KLF13: variants seen among roughly 807,000 people sequenced by gnomAD.
KLF13 encodes KLF transcription factor 13.
A neutral mutation model predicts 16.7 loss-of-function variants in KLF13; 8 were observed. The ratio of observed to expected loss-of-function variants is 0.48; its 90% CI spans 0.28 to 0.87. KLF13 has a LOEUF of 0.87. Among genes scored for constraint, KLF13 ranks in the 40% least tolerant of loss-of-function variants. KLF13 has a pLI of 0.10. For missense variants in KLF13, 447 were observed against 452.2 expected (o/e 0.99, Z 0.10); for synonymous variants, 245 against 208.4 (o/e 1.18, Z -1.51).
intron 1 of KLF13, among the ~76,000 whole-genome samples, chr15:31,340,537 C>T (rs867811639): frequency 1.3e-5 from 2 of 152,208 alleles, no homozygotes; most frequent in South Asian, 2.1e-4. Context: ...TAACATCACC[C>T]CCTTCAAAGA....
Position 31,327,882 on chromosome 15 carries a change from T to A in KLF13, c.577+93T>A, listed in dbSNP as rs2038746863. 4 of 1,169,142 alleles carry A rather than the reference T, an allele frequency of 3.4e-6. No homozygotes were observed. The East Asian group carries it at 1.6e-4, about 46-fold the overall frequency. The allele number at this position is 1,169,142 out of a possible 1,614,324, so 72.4% of individuals were successfully genotyped here. ...CCGGAGTCCCCGATGGGGCGCGAGG[T>A]GGGGGCCGGGCGGGCCGGAACGCCC... On this transcript the variant is annotated intron_variant, in intron 1 of 1. Coordinates refer to ENST00000307145, the MANE Select transcript of KLF13 (RefSeq NM_015995.4).
chr15:31,402,234 G>C (rs1162091711), intron 2 of KLF13, among the ~76,000 whole-genome samples: 1 of 152,196 alleles, frequency 6.6e-6, no homozygotes, highest in South Asian at 2.1e-4. Context: ...CTACATGGAT[G>C]GAGAGCCCTC....
At chr15:31,364,917 A>G (rs1240989069) in intron 1 of KLF13, among the ~76,000 whole-genome samples, 2 of 152,110 alleles carry the variant, frequency 1.3e-5, no homozygotes, top group African/African-American at 2.4e-5. Context: ...TCCACCCCCC[A>G]CCACAGAGGC....
At chr15:31,415,147 C>T (rs1056276714) in intron 1 of KLF13, among the ~76,000 whole-genome samples, 14 of 152,224 alleles carry the variant, frequency 9.2e-5, no homozygotes, top group African/African-American at 2.2e-4. Context: ...TGCCTTCTGC[C>T]GTGAGTCCAT....
intron 1 of KLF13, among the ~76,000 whole-genome samples, chr15:31,340,606 A>G (rs1410330844): frequency 2.0e-5 from 3 of 152,186 alleles, no homozygotes; most frequent in Non-Finnish European, 4.4e-5. Flanking sequence ...TTTAAGAAAA[A>G]ACTCGTGCTG....
Position 31,327,368 on chromosome 15 carries a change from C to T in KLF13, c.156C>T (p.Arg52=), listed in dbSNP as rs751046053. The stretch of plus-strand genomic sequence containing the variant: ...CCACGCTGCCCCGCGTCGAGGAGCG[C>T]CGCGACGGTAAGGACAGCGCCTCGC... ...ATPTLPRVEE[R]RDGKDSASLF... The change falls in exon 1 of 2, where the codon CGC becomes CGT. Residue 52 remains arginine (R), a synonymous_variant. Transcript: ENST00000307145. 1.6e-6 allele frequency: 2 copies of T among 1,289,398 alleles called. No homozygotes were observed. Among genetic ancestry groups the T allele is most frequent in the Non-Finnish European group, 9.8e-7 (1 of 1,019,428 alleles). 79.9% of individuals were successfully genotyped at this position (1,289,398 alleles called of 1,614,324 possible). A position where few individuals can be genotyped will look rare whatever the true frequency, so the allele number is the denominator to read the frequency against.
chr15:31,387,036 G>T (rs1227828511), intron 1 of KLF13, among the ~76,000 whole-genome samples: 1 of 152,224 alleles, frequency 6.6e-6, no homozygotes, highest in African/African-American at 2.4e-5. Context: ...GGTTTCTTGA[G>T]ATGGAATCTA....
intron 1 of KLF13, among the ~76,000 whole-genome samples, chr15:31,428,701 G>A (rs1340447874): frequency 3.3e-5 from 5 of 150,954 alleles, no homozygotes; most frequent in Middle Eastern, 3.4e-3. Context: ...CCAGCTACTC[G>A]GGAGGCTGAG....
At chr15:31,402,786 TG>T (rs1176597661) in intron 2 of KLF13, among the ~76,000 whole-genome samples, 1 of 151,920 alleles carries the variant, frequency 6.6e-6, no homozygotes, top group East Asian at 1.9e-4. Context: ...CTCTTTCCCC[TG>T]GGATGTGTAG....
chr15:31,333,113 C>G (rs542541780), intron 1 of KLF13, among the ~76,000 whole-genome samples: 2 of 151,872 alleles, frequency 1.3e-5, no homozygotes, highest in South Asian at 2.1e-4. Context: ...ACTGTTTGCT[C>G]TAGGGGCCAG....
chr15:31,424,641 T>A (rs531192446), intron 1 of KLF13, among the ~76,000 whole-genome samples: 20 of 152,218 alleles, frequency 1.3e-4, no homozygotes, highest in Non-Finnish European at 2.4e-4. Flanking sequence ...TATTAAAGTG[T>A]ATACAAAAAG....
intron 1 of KLF13, among the ~76,000 whole-genome samples, chr15:31,344,670 A>G (rs1367679073): frequency 6.6e-6 from 1 of 152,244 alleles, no homozygotes; most frequent in Non-Finnish European, 1.5e-5. Context: ...AATTTGCTGT[A>G]AGAATGTGGA....
At chr15:31,370,198 C>G (rs1256236821) in intron 1 of KLF13, among the ~76,000 whole-genome samples, 4 of 151,852 alleles carry the variant, frequency 2.6e-5, no homozygotes, top group Non-Finnish European at 5.9e-5. Flanking sequence ...CCCCCCAACA[C>G]CCTTTCCCCC....
At chr15:31,359,202 G>C (rs1039574434) in intron 1 of KLF13, among the ~76,000 whole-genome samples, 2 of 152,214 alleles carry the variant, frequency 1.3e-5, no homozygotes, top group Admixed American at 6.5e-5. Flanking sequence ...TGTGACTCGG[G>C]TGTGCGTGAA....
chr15:31,423,165 G>GTATACGTATA (rs2040362665), intron 1 of KLF13, among the ~76,000 whole-genome samples: 1 of 104,440 alleles, frequency 9.6e-6, no homozygotes, highest in African/African-American at 6.2e-5. Context: ...GTATATATAT[G>GTATACGTATA]TATATATATA....
At chr15:31,369,991 A>G (rs2039531906) in intron 1 of KLF13, among the ~76,000 whole-genome samples, 1 of 144,162 alleles carries the variant, frequency 6.9e-6, no homozygotes. Flanking sequence ...TAACTCATTT[A>G]CCTGGTCCAC....
downstream of KLF13, among the ~76,000 whole-genome samples, chr15:31,405,357 C>T (rs915956049): frequency 1.3e-5 from 2 of 152,182 alleles, no homozygotes; most frequent in East Asian, 1.9e-4. Flanking sequence ...TGGAGAACCC[C>T]CTCTCCTCTT....
intron 1 of KLF13, among the ~76,000 whole-genome samples, chr15:31,433,414 C>T (rs1452414175): frequency 1.3e-5 from 2 of 152,140 alleles, no homozygotes; most frequent in Non-Finnish European, 2.9e-5. Context: ...TGTTTAGGTC[C>T]TCTGTCCTAA....
intron 1 of KLF13, among the ~76,000 whole-genome samples, chr15:31,351,539 C>T (rs2039217236): frequency 6.6e-6 from 1 of 152,120 alleles, no homozygotes; most frequent in Non-Finnish European, 1.5e-5. Flanking sequence ...CTGGGACAGC[C>T]GTCCACCTCA....
Sources: gnomAD v4.1 joint callset for allele counts (sites outside exome capture counted in the v4.1 genomes callset) on GRCh38, gnomAD v4.1.1 for gene constraint, MANE v1.5 for transcripts, NCBI Gene and HGNC (gene_info 2026-07-23, HGNC 2026-07-21) for gene names.